The following FCRL1 variants were observed in gnomAD, a reference collection of about 807,000 sequenced individuals.
The protein encoded by FCRL1 is Fc receptor-like protein 1.
In FCRL1, 34 loss-of-function variants were observed where a neutral mutation model predicts 49.2. That is an observed-to-expected ratio of 0.69 (90% CI 0.53 to 0.92). The LOEUF is 0.92. Among genes scored for constraint, FCRL1 ranks in the 40% least tolerant of loss-of-function variants. The probability of loss-of-function intolerance (pLI) is 0.00; values close to 1 mark genes in which losing one functional copy is unlikely to be tolerated. For missense variants in FCRL1, 524 were observed against 524.1 expected, an observed-to-expected ratio of 1.00 and a Z score of 0.00; for synonymous variants, 218 against 201.6, an observed-to-expected ratio of 1.08 and a Z score of -0.69.
At chr1:157,818,753 A>G (rs1303519709) in intron 1 of FCRL1, among the ~76,000 whole-genome samples, 1 of 152,104 alleles carries the variant, frequency 6.6e-6, no homozygotes, top group Non-Finnish European at 1.5e-5. Flanking sequence ...TAGTTGCACC[A>G]CTCAGTGATT....
intron 1 of FCRL1, among the ~76,000 whole-genome samples, chr1:157,812,125 AC>A (rs749034298): frequency 1.1e-4 from 16 of 151,676 alleles, no homozygotes; most frequent in Non-Finnish European, 2.2e-4. Flanking sequence ...CTGGCACCTC[AC>A]CCCTGGGGAA....
intron 2 of FCRL1, among the ~76,000 whole-genome samples, chr1:157,806,439 A>G (rs926085044): frequency 1.3e-5 from 2 of 152,206 alleles, no homozygotes; most frequent in Non-Finnish European, 1.5e-5. Flanking sequence ...TCTAGTGAAG[A>G]GTCCTTCGTG....
intron 5 of FCRL1, 128 bp downstream of exon 5, chr1:157,801,787 G>T: frequency 1.8e-6 from 2 of 1,140,230 alleles, no homozygotes; most frequent in South Asian, 1.5e-5. Flanking sequence ...CATCACTCAT[G>T]ACAGCACCTC....
chr1:157,796,555 C>T (rs1651522145), intron 10 of FCRL1, among the ~76,000 whole-genome samples: 1 of 152,210 alleles, frequency 6.6e-6, no homozygotes, highest in Admixed American at 6.5e-5. Flanking sequence ...GCTGCCACAC[C>T]ACACTAGACA....
rs116122539 is a variant in FCRL1, at chr1:157,812,543, T to A, written c.32-5421A>T. Among the ~76,000 whole-genome samples the A allele has an allele frequency of 6.8e-3, 1,041 of 152,194 alleles. 10 individuals are homozygous for A. The highest frequency in any genetic ancestry group is 0.024 in the African/African-American group (989 of 41,510). On this transcript the variant is annotated intron_variant, in intron 1 of 10. Transcript: ENST00000368176. ...ATCTGAGCCTTTGGAAAGCCCTTTA[T>A]CCTTAGAGCCATGATAGTGCTGTAT...
chr1:157,818,482 G>T (rs1350977953), intron 1 of FCRL1, among the ~76,000 whole-genome samples: 1 of 152,042 alleles, frequency 6.6e-6, no homozygotes, highest in Admixed American at 6.6e-5. Flanking sequence ...GCAGAATCAT[G>T]GTTACAAGAA....
intron 1 of FCRL1, among the ~76,000 whole-genome samples, chr1:157,815,267 T>C (rs937026778): frequency 6.6e-6 from 1 of 151,916 alleles, no homozygotes; most frequent in Non-Finnish European, 1.5e-5. Context: ...CTGACCACAA[T>C]GGTATAAAAC....
At chr1:157,807,349 C>T (rs1420073610) in intron 1 of FCRL1, among the ~76,000 whole-genome samples, 1 of 152,056 alleles carries the variant, frequency 6.6e-6, no homozygotes, top group Non-Finnish European at 1.5e-5. Flanking sequence ...TTTCTCTCTG[C>T]TCCTTTTCCC....
chr1:157,795,950 C>T lies in FCRL1; in HGVS notation c.*149G>A. The T allele has an allele frequency of 2.9e-6, 2 of 688,782 alleles. No individual in the cohort carries two copies. Among genetic ancestry groups the T allele is most frequent in the South Asian group, 3.7e-5 (2 of 53,806 alleles). 42.7% of individuals were successfully genotyped at this position (688,782 alleles called of 1,614,324 possible). A position where few individuals can be genotyped will look rare whatever the true frequency, so the allele number is the denominator to read the frequency against. ...TTTCTTCAGGGCTGCGCCAACTTCA[C>T]TTCACAGTAGATGAAGGAATAGTGC... On this transcript the variant is annotated 3_prime_UTR_variant, in exon 11 of 11. Transcript: ENST00000368176.
chr1:157,804,472 G>A (rs1476330218), intron 2 of FCRL1, among the ~76,000 whole-genome samples: 1 of 152,176 alleles, frequency 6.6e-6, no homozygotes, highest in East Asian at 1.9e-4. Flanking sequence ...AGATGATGAA[G>A]CTTGAAGTTT....
At chr1:157,819,524 AG>A (rs1480637729) in intron 1 of FCRL1, among the ~76,000 whole-genome samples, 1 of 152,052 alleles carries the variant, frequency 6.6e-6, no homozygotes, top group Non-Finnish European at 1.5e-5. Context: ...TTGGAAATAG[AG>A]TGCAGGAGAA....
intron 1 of FCRL1, among the ~76,000 whole-genome samples, chr1:157,810,316 A>T (rs948195782): frequency 6.7e-6 from 1 of 149,560 alleles, no homozygotes; most frequent in South Asian, 2.1e-4. Context: ...TTTTTTTTTA[A>T]GACAGAGTCT....
At chr1:157,808,165 G>A (rs538131184) in intron 1 of FCRL1, among the ~76,000 whole-genome samples, 12 of 152,272 alleles carry the variant, frequency 7.9e-5, no homozygotes, top group Middle Eastern at 3.4e-3. Context: ...TATGCCAGAC[G>A]TTGTGCATGG....
intron 1 of FCRL1, among the ~76,000 whole-genome samples, chr1:157,819,112 A>G (rs1033201837): frequency 2.6e-5 from 4 of 152,180 alleles, no homozygotes; most frequent in African/African-American, 7.2e-5. Context: ...TCAATGAAAT[A>G]TGAAGCAAGA....
chr1:157,800,020 T>C (rs1380017995), intron 7 of FCRL1, 38 bp downstream of exon 7: 1 of 1,575,026 alleles, frequency 6.3e-7, no homozygotes, highest in East Asian at 2.2e-5. Context: ...AATAGATTTT[T>C]CTGCATTATT....
intron 1 of FCRL1, among the ~76,000 whole-genome samples, chr1:157,819,416 G>A (rs1424218190): frequency 1.3e-5 from 2 of 152,144 alleles, no homozygotes; most frequent in East Asian, 1.9e-4. Flanking sequence ...GTGTTGTGGT[G>A]GTGAGCTGCA....
intron 10 of FCRL1, 45 bp from the exon 11 acceptor site, chr1:157,796,215 A>T (rs778696725): frequency 6.7e-6 from 10 of 1,495,132 alleles, no homozygotes; most frequent in African/African-American, 2.8e-5. Flanking sequence ...CAAGCAGAAC[A>T]TGCCTCCACT....
At chr1:157,797,077 A>G in intron 10 of FCRL1, 24 bp downstream of exon 10, 1 of 1,612,024 alleles carries the variant, frequency 6.2e-7, no homozygotes, top group African/African-American at 1.3e-5. Flanking sequence ...AGAACATGGA[A>G]GAAAGAACAA....
intron 1 of FCRL1, among the ~76,000 whole-genome samples, chr1:157,810,318 A>G (rs1310180381): frequency 1.3e-5 from 2 of 149,018 alleles, no homozygotes; most frequent in South Asian, 2.1e-4. Context: ...TTTTTTTAAG[A>G]CAGAGTCTCT....
Sources: allele counts gnomAD v4.1 joint callset (sites outside exome capture counted in the v4.1 genomes callset), GRCh38; gene constraint gnomAD v4.1.1; transcripts MANE v1.5; gene names NCBI Gene and HGNC (gene_info 2026-07-23, HGNC 2026-07-21).